Variants in REXO4 observed in about 807,000 individuals in gnomAD.
REXO4 encodes REX4 homolog, 3'-5' exonuclease.
In REXO4, 29 loss-of-function variants were observed where a neutral mutation model predicts 39.9. The observed-to-expected ratio is 0.73, with a 90% CI of 0.54 to 0.99. The LOEUF is 0.99. Ranked by LOEUF, REXO4 falls within the 50% of genes least tolerant of loss-of-function variation. The pLI is 0.00. For missense variants in REXO4, 524 were observed against 546.5 expected (o/e 0.96, Z 0.41); for synonymous variants, 184 against 206.2 (o/e 0.89, Z 0.92).
intron 1 of REXO4, 69 bp from the exon 2 acceptor site, chr9:133,415,080 T>TA (rs1588139919): frequency 7.8e-7 from 1 of 1,282,334 alleles, no homozygotes; most frequent in East Asian, 2.3e-5. Context: ...TGAAAAAACT[T>TA]ACGTGTGTAT....
Position 133,408,772 on chromosome 9 carries a change from A to G in REXO4, c.1070T>C (p.Val357Ala). The change falls in exon 6 of 8, where the codon GTA becomes GCA. Residue 357 changes from valine (V) to alanine (A), a missense_variant. Physicochemically the swap from Val to Ala is moderately conservative, Grantham distance 64. Transcript: ENST00000371942. The part of the protein sequence containing the change: ...TQKYKPFKSQ[V>A]KSGRPSLRLL... ...AGTCACACTCATTCTAAGTACCTTTACTTGACTCTTGAAAGGTTTATATTT... is the reference window on the plus strand; with the variant it reads ...AGTCACACTCATTCTAAGTACCTTTGCTTGACTCTTGAAAGGTTTATATTT... The G allele has an allele frequency of 6.3e-7, 1 of 1,592,458 alleles. No individual in the cohort carries two copies. Among genetic ancestry groups the G allele is most frequent in the Non-Finnish European group, 8.6e-7 (1 of 1,161,834 alleles).
chr9:133,407,224 G>T (rs1031024826), intron 7 of REXO4, 152 bp from the exon 8 acceptor site: 1 of 1,235,228 alleles, frequency 8.1e-7, no homozygotes, highest in South Asian at 1.4e-5. Flanking sequence ...GGACGGGGAG[G>T]GAGGACACAA....
Position 133,407,050 on chromosome 9 carries a change from A to T in REXO4, c.1172T>A (p.Met391Lys). ...CTTCTTCACCATGACGTACAGCCTC[A>T]TTGCTGCCTGGGCATCCTGAATCTA... ...HCSIQDAQAA[M>K]RLYVMVKKEW... Residue 391 changes from methionine to lysine, a missense_variant, in exon 8 of 8, where the codon ATG (methionine) becomes AAG (lysine). Met to Lys is a moderately conservative substitution (Grantham distance 95, BLOSUM62 -1). Coordinates refer to ENST00000371942, the MANE Select transcript of REXO4 (RefSeq NM_020385.4). 6.2e-7 allele frequency: 1 copy of T among 1,612,876 alleles called. No homozygotes were observed. Among genetic ancestry groups the T allele is most frequent in the Non-Finnish European group, 8.5e-7 (1 of 1,179,648 alleles).
At chr9:133,412,057 G>A (rs909724918) in intron 4 of REXO4, among the ~76,000 whole-genome samples, 9 of 151,968 alleles carry the variant, frequency 5.9e-5, no homozygotes, top group Admixed American at 5.2e-4. Context: ...ATGAGCCACC[G>A]TGCCCAGCTA....
intron 7 of REXO4, among the ~76,000 whole-genome samples, chr9:133,407,517 A>T (rs905346872): frequency 1.3e-5 from 2 of 151,960 alleles, no homozygotes; most frequent in East Asian, 1.9e-4. Context: ...GCAGGGCTGG[A>T]GGGCTGCGGG....
At chr9:133,418,070 C>T, upstream of REXO4, 3 of 552,836 alleles carry the variant, frequency 5.4e-6, no homozygotes, top group South Asian at 4.7e-5. Context: ...CGGCTGGAAA[C>T]CGGATCCCTG....
chr9:133,414,817 C>A lies in REXO4; in HGVS notation c.420G>T (p.Arg140Ser), dbSNP rs147008170. 2 of 1,614,206 alleles carry A rather than the reference C, an allele frequency of 1.2e-6. No homozygotes were observed. The highest frequency in any genetic ancestry group is 1.1e-5 in the South Asian group (1 of 91,080). The change falls in exon 2 of 8, where the codon AGG becomes AGT. Residue 140 changes from arginine (R) to serine (S), a missense_variant. Physicochemically the swap from Arg to Ser is moderately radical, Grantham distance 110 (BLOSUM62 -1). Transcript: ENST00000371942. ...GSVPSGSKMD[R>S]RAPVPRTKAS... ...CCTTGGTGCGAGGTACTGGCGCCCT[C>A]CTGTCCATCTTGGAACCTGAAGGAA...
Position 133,417,720 on chromosome 9 carries a change from G to C in REXO4, c.125C>G (p.Ala42Gly), listed in dbSNP as rs782132225. The C allele has an allele frequency of 6.2e-7, 1 of 1,614,116 alleles. No individual in the cohort carries two copies. The highest frequency in any genetic ancestry group is 1.1e-5 in the South Asian group (1 of 91,088). Residue 42 changes from alanine to glycine, a missense_variant, in exon 1 of 8, where the codon GCG (alanine) becomes GGG (glycine). Coordinates refer to ENST00000371942, the MANE Select transcript of REXO4 (RefSeq NM_020385.4). ...KKKKRFWKSK[A>G]REVSKKPASG... ...TGCTGGCTTCTTGCTTACTTCCCGC[G>C]CCTTGCTTTTCCAAAACCTTTTTTT...
At chr9:133,410,476 G>A (rs782799896) in intron 5 of REXO4, among the ~76,000 whole-genome samples, 5 of 152,198 alleles carry the variant, frequency 3.3e-5, no homozygotes, top group South Asian at 2.1e-4. Context: ...TGTTTCCCAC[G>A]GTGGTGGTGT....
upstream of REXO4, chr9:133,418,142 A>G (rs1588145184): frequency 6.7e-6 from 3 of 444,520 alleles, no homozygotes; most frequent in East Asian, 1.2e-4. Flanking sequence ...CGCCTTAGCC[A>G]GCGGCATCCG....
Position 133,406,766 on chromosome 9 carries a change from T to C in REXO4, c.*187A>G. ...TCCGGGCCCAAACACACATGGACAG[T>C]AAGACCAGGTTTCAGACCACAAAGT... On this transcript the variant is annotated 3_prime_UTR_variant, in exon 8 of 8. Coordinates refer to ENST00000371942, the MANE Select transcript of REXO4 (RefSeq NM_020385.4). The C allele has an allele frequency of 1.2e-6, 1 of 848,626 alleles. No individual in the cohort carries two copies. The highest frequency in any genetic ancestry group is 1.8e-6 in the Non-Finnish European group (1 of 556,176). 52.6% of individuals were successfully genotyped at this position (848,626 alleles called of 1,614,324 possible).
chr9:133,408,761 T>G lies in REXO4; in HGVS notation c.1074+7A>C, dbSNP rs1554779466. 6.3e-7 allele frequency: 1 copy of G among 1,575,162 alleles called. No individual in the cohort carries two copies. The highest frequency in any genetic ancestry group is 1.7e-5 in the Admixed American group (1 of 58,242). On this transcript the variant is annotated splice_region_variant and intron_variant, in intron 6 of 7. Transcript: ENST00000371942. Reference sequence around the variant, plus strand: ...ACAGTATCTTGAGTCACACTCATTCTAAGTACCTTTACTTGACTCTTGAAA... The same window carrying G: ...ACAGTATCTTGAGTCACACTCATTCGAAGTACCTTTACTTGACTCTTGAAA...
At position 133,415,019 on chromosome 9, in the gene REXO4, C is replaced by T. The variant is rs1036996486; in HGVS notation, c.226-8G>A. ...TTTTTGTTTCAGCAGCCACTGGGAC[C>T]CAAAATAAAATACATGCTGCATTTG... On this transcript the variant is annotated splice_polypyrimidine_tract_variant and splice_region_variant and intron_variant, in intron 1 of 7. Coordinates refer to ENST00000371942, the MANE Select transcript of REXO4 (RefSeq NM_020385.4). 1.3e-6 allele frequency: 2 copies of T among 1,572,034 alleles called. No individual in the cohort carries two copies. Among genetic ancestry groups the T allele is most frequent in the Middle Eastern group, 1.7e-4 (1 of 5,832 alleles).
At chr9:133,407,956 C>A in intron 6 of REXO4, 75 bp from the exon 7 acceptor site, 1 of 1,183,670 alleles carries the variant, frequency 8.4e-7, no homozygotes. Flanking sequence ...AAGCAGGGAG[C>A]GGTTGGCTAC....
chr9:133,416,682 C>A lies in REXO4; in HGVS notation c.225+938G>T, dbSNP rs761300202. On this transcript the variant is annotated intron_variant, in intron 1 of 7. Coordinates refer to ENST00000371942, the MANE Select transcript of REXO4 (RefSeq NM_020385.4). ...GAAGTGCAGGTCACTAGGGAGACAG[C>A]AGGTACAACACAGCCTTAAAAGCAT... is the stretch of plus-strand genomic sequence containing the variant. 2.3e-4 allele frequency among the ~76,000 whole-genome samples: 35 copies of A among 152,362 alleles called. No homozygotes were observed. The Middle Eastern group carries it at 0.014, about 59-fold the overall frequency.
chr9:133,407,218 G>T, intron 7 of REXO4, 146 bp from the exon 8 acceptor site: 3 of 1,267,364 alleles, frequency 2.4e-6, no homozygotes, highest in Non-Finnish European at 3.3e-6. Context: ...TCACCAGGAC[G>T]GGGAGGGAGG....
At chr9:133,414,141 C>A (rs1554780883) in intron 2 of REXO4, among the ~76,000 whole-genome samples, 1 of 152,224 alleles carries the variant, frequency 6.6e-6, no homozygotes, top group African/African-American at 2.4e-5. Context: ...GCAATCACAG[C>A]TCACTGCAGC....
chr9:133,412,323 T>C lies in REXO4; in HGVS notation c.886A>G (p.Ile296Val), dbSNP rs1839254534. 1.2e-6 allele frequency: 2 copies of C among 1,613,878 alleles called. No individual in the cohort carries two copies. The highest frequency in any genetic ancestry group is 1.3e-5 in the African/African-American group (1 of 74,896). The change falls in exon 4 of 8, where the codon ATT becomes GTT. Residue 296 changes from isoleucine to valine, a missense_variant. Ile to Val is a conservative substitution (Grantham distance 29, BLOSUM62 3). Transcript: ENST00000371942. ...CCCTGCTTGAGGTTCTCAGGCCGAA[T>C]CCCACTGACCGCTGTCCTATAGTCC... ...VTDYRTAVSG[I>V]RPENLKQGEE... is the part of the protein sequence containing the mutation.
Position 133,414,959 on chromosome 9 carries a change from TGA to T in REXO4, c.276_277del (p.Gln93AspfsTer63). On this transcript the variant is annotated frameshift_variant, in exon 2 of 8. Coordinates refer to ENST00000371942, the MANE Select transcript of REXO4 (RefSeq NM_020385.4). LOFTEE classifies it high-confidence loss of function. ...TTTGGGCTTCTTTTTGGAACCCATC[TGA>T]GAGATGACAAGAGGCTTTTCTGGGG... 1.2e-6 allele frequency: 2 copies of T among 1,609,430 alleles called. No homozygotes were observed. The highest frequency in any genetic ancestry group is 1.7e-5 in the Admixed American group (1 of 58,744).
Sources: allele counts gnomAD v4.1 joint callset (sites outside exome capture counted in the v4.1 genomes callset), GRCh38; gene constraint gnomAD v4.1.1; transcripts MANE v1.5; gene names NCBI Gene and HGNC (gene_info 2026-07-23, HGNC 2026-07-21).